Variants in SP140 observed in about 807,000 individuals in gnomAD.
SP140 encodes nuclear body protein SP140.
A neutral mutation model predicts 125.0 loss-of-function variants in SP140; 81 were observed. The observed-to-expected ratio is 0.65, with a 90% confidence interval of 0.54 to 0.78. The LOEUF (loss-of-function observed/expected upper bound fraction) is 0.78, where lower values mean the gene tolerates loss of function less well. Among genes scored for constraint, SP140 ranks in the 30% least tolerant of loss-of-function variants. The probability of loss-of-function intolerance (pLI) is 0.00; values close to 1 mark genes in which losing one functional copy is unlikely to be tolerated. For synonymous variants in SP140, 312 were observed against 354.0 expected (o/e 0.88, Z 1.33); for missense variants, 858 against 1,037.0 (o/e 0.83, Z 2.37).
intron 1 of SP140, among the ~76,000 whole-genome samples, chr2:230,235,868 GTTTTTTTT>G (rs984054259): frequency 1.3e-5 from 1 of 77,974 alleles, no homozygotes; most frequent in Non-Finnish European, 2.3e-5. Flanking sequence ...TCTTGTGACT[GTTTTTTTT>G]TTTTTTTTTT....
intron 12 of SP140, among the ~76,000 whole-genome samples, chr2:230,264,802 T>G (rs1157967728): frequency 1.3e-5 from 2 of 152,244 alleles, no homozygotes; most frequent in African/African-American, 2.4e-5. Flanking sequence ...CGGGGTTGTC[T>G]GCACAGAGTC....
In SP140 at chr2:230,302,862, C is replaced by T. The variant is rs549396183; in HGVS notation, c.2058+5400C>T. 1.3e-4 allele frequency among the ~76,000 whole-genome samples: 20 copies of T among 152,066 alleles called. No individual in the cohort carries two copies. The South Asian group carries it at 3.1e-3, about 24-fold the overall frequency. On this transcript the variant is annotated intron_variant, in intron 22 of 26. Coordinates refer to ENST00000392045, the MANE Select transcript of SP140 (RefSeq NM_007237.5). Reference sequence around the variant, plus strand: ...AAATGAAAAAATCCTTTGAACTGAACGACAATAATGACACAAGCTATCAAA... The same window carrying T: ...AAATGAAAAAATCCTTTGAACTGAATGACAATAATGACACAAGCTATCAAA...
At chr2:230,277,738 T>TC (rs1404501753) in intron 15 of SP140, among the ~76,000 whole-genome samples, 2 of 152,184 alleles carry the variant, frequency 1.3e-5, no homozygotes, top group African/African-American at 4.8e-5. Flanking sequence ...CACATGGAAT[T>TC]CATTTATTGG....
Position 230,244,846 on chromosome 2 carries a change from A to G in SP140, c.572-142A>G, listed in dbSNP as rs550506423. 8.6e-6 allele frequency: 5 copies of G among 579,048 alleles called. No individual in the cohort carries two copies. In the Admixed American group the frequency reaches 1.6e-4, roughly 19 times the overall value. The allele number at this position is 579,048 out of a possible 1,614,324, so 35.9% of individuals were successfully genotyped here. ...GATCAGAAGGAAAACAGGCAGAGCAAGGCTGTGGCGGGGCTCAGGCGAGGT... is the reference window on the plus strand; with the variant it reads ...GATCAGAAGGAAAACAGGCAGAGCAGGGCTGTGGCGGGGCTCAGGCGAGGT... On this transcript the variant is annotated intron_variant, in intron 5 of 26. Transcript: ENST00000392045.
chr2:230,205,201 T>C (rs1019665128), intron 1 of SP140, among the ~76,000 whole-genome samples: 1 of 152,208 alleles, frequency 6.6e-6, no homozygotes, highest in African/African-American at 2.4e-5. Flanking sequence ...GGTTTTTGCT[T>C]GGCACCTGGG....
intron 12 of SP140, among the ~76,000 whole-genome samples, chr2:230,265,122 C>T (rs1018922646): frequency 1.3e-5 from 2 of 151,868 alleles, no homozygotes; most frequent in African/African-American, 4.8e-5. Context: ...CTAAGACTCT[C>T]GTTGGACATG....
At chr2:230,302,979 T>C (rs2058429064) in intron 22 of SP140, among the ~76,000 whole-genome samples, 1 of 151,794 alleles carries the variant, frequency 6.6e-6, no homozygotes. Context: ...AAATAGACAA[T>C]CTAAGTTCAC....
chr2:230,309,583 A>G (rs910320067), intron 22 of SP140, among the ~76,000 whole-genome samples: 3 of 152,226 alleles, frequency 2.0e-5, no homozygotes, highest in African/African-American at 7.2e-5. Flanking sequence ...AAATTGATTT[A>G]ACACTTCATT....
At chr2:230,209,766 AAGGCC>A (rs763304260) in intron 1 of SP140, among the ~76,000 whole-genome samples, 2 of 152,152 alleles carry the variant, frequency 1.3e-5, no homozygotes, top group Non-Finnish European at 2.9e-5. Flanking sequence ...AATTTTCATA[AAGGCC>A]TTTTTGGAAG....
At chr2:230,233,967 G>T (rs1392542052) in intron 1 of SP140, among the ~76,000 whole-genome samples, 1 of 152,098 alleles carries the variant, frequency 6.6e-6, no homozygotes, top group Non-Finnish European at 1.5e-5. Context: ...AATCCTAGGG[G>T]GTCCCTAACC....
chr2:230,274,283 T>C (rs1444895099), intron 15 of SP140, among the ~76,000 whole-genome samples: 1 of 152,142 alleles, frequency 6.6e-6, no homozygotes, highest in Non-Finnish European at 1.5e-5. Context: ...CTAGAACCTA[T>C]AATCTGTTAC....
chr2:230,307,843 T>A (rs2058910835), intron 22 of SP140, among the ~76,000 whole-genome samples: 1 of 151,722 alleles, frequency 6.6e-6, no homozygotes, highest in African/African-American at 2.4e-5. Context: ...AAGGCACAAC[T>A]GCTTACAGAG....
chr2:230,265,810 G>A lies in SP140; in HGVS notation c.1241-3722G>A, dbSNP rs952015312. ...TTTTACGGGGGGGGGCGGTCTCCTG[G>A]GTCCTGCAGGTGCAATCTGCTTCCT... On this transcript the variant is annotated intron_variant, in intron 12 of 26. Transcript: ENST00000392045. Among the ~76,000 whole-genome samples, 5 of 152,022 alleles carry A rather than the reference G, an allele frequency of 3.3e-5. No individual in the cohort carries two copies. In the East Asian group the frequency reaches 5.8e-4, roughly 18 times the overall value.
rs1365776 is a variant in SP140 at position 230,207,994 on chromosome 2, C to T, written c.-323+4715C>T. ...TCCTCTTGTACTCTCATCTTACCTCCTGGGAGGCTTTTTTTCTTATGTCTC... is the reference window on the plus strand; with the variant it reads ...TCCTCTTGTACTCTCATCTTACCTCTTGGGAGGCTTTTTTTCTTATGTCTC... On this transcript the variant is annotated intron_variant, in intron 1 of 4. Coordinates refer to the SP140 transcript ENST00000456542. 952,571 of 1,516,630 alleles carry T rather than the reference C, an allele frequency of 0.63. 307,027 individuals are homozygous for T. The highest frequency in any genetic ancestry group is 0.92 in the African/African-American group (66,828 of 72,836). 93.9% of individuals were successfully genotyped at this position (1,516,630 alleles called of 1,614,324 possible).
In SP140 at chr2:230,312,786, C is replaced by T; in HGVS notation, c.*102C>T. 1 of 785,904 alleles carries T rather than the reference C, an allele frequency of 1.3e-6. No homozygotes were observed. Among genetic ancestry groups the T allele is most frequent in the Non-Finnish European group, 2.2e-6 (1 of 462,244 alleles). The allele number at this position is 785,904 out of a possible 1,614,324, so 48.7% of individuals were successfully genotyped here. On this transcript the variant is annotated 3_prime_UTR_variant, in exon 27 of 27. Coordinates refer to ENST00000392045, the MANE Select transcript of SP140 (RefSeq NM_007237.5). ...TGAGGTCACTTGGGCACAGCACATG[C>T]AGGGAGGGGCTTTTCTCTGAGCCTC...
intron 12 of SP140, among the ~76,000 whole-genome samples, chr2:230,264,122 G>T (rs527298991): frequency 6.6e-6 from 1 of 152,004 alleles, no homozygotes; most frequent in East Asian, 1.9e-4. Flanking sequence ...CTTAGGTTTG[G>T]TCATTTAACA....
chr2:230,282,664 A>G (rs867158849), intron 15 of SP140, among the ~76,000 whole-genome samples: 14 of 152,300 alleles, frequency 9.2e-5, no homozygotes, highest in South Asian at 2.1e-4. Context: ...CACATTTCAT[A>G]AACTGTAAAC....
chr2:230,258,745 A>G (rs57003673), intron 12 of SP140, among the ~76,000 whole-genome samples: 1 of 152,168 alleles, frequency 6.6e-6, no homozygotes, highest in Non-Finnish European at 1.5e-5. Flanking sequence ...GATGAATCAT[A>G]TATTTTTAAA....
chr2:230,202,884 A>G (rs1444527674), upstream of SP140: 2 of 718,390 alleles, frequency 2.8e-6, no homozygotes, highest in East Asian at 5.2e-5. Flanking sequence ...CTTCTCTATA[A>G]TTATATCCTT....
Sources: allele counts gnomAD v4.1 joint callset (sites outside exome capture counted in the v4.1 genomes callset), GRCh38; gene constraint gnomAD v4.1.1; transcripts MANE v1.5; gene names NCBI Gene and HGNC (gene_info 2026-07-23, HGNC 2026-07-21).